Variants in PXDN observed in about 807,000 individuals in gnomAD.
PXDN encodes peroxidasin.
Under a neutral mutation model 140.3 loss-of-function variants are expected in PXDN, and 77 were observed. That is an observed-to-expected ratio of 0.55 (90% CI 0.46 to 0.66). PXDN has a LOEUF of 0.66. PXDN is among the 30% of genes least tolerant of loss of function. PXDN has a pLI of 0.00. For synonymous variants in PXDN, 911 were observed against 857.4 expected (o/e 1.06, Z -1.09); for missense variants, 1,838 against 2,039.5 (o/e 0.90, Z 1.90).
chr2:1,701,962 C>A (rs1017990288), intron 1 of PXDN, among the ~76,000 whole-genome samples: 1 of 152,176 alleles, frequency 6.6e-6, no homozygotes, highest in African/African-American at 2.4e-5. Context: ...GACTTCCAGC[C>A]TCCAGAGCTG....
intron 1 of PXDN, among the ~76,000 whole-genome samples, chr2:1,702,741 G>A (rs1684465399): frequency 6.6e-6 from 1 of 151,406 alleles, no homozygotes; most frequent in Admixed American, 6.6e-5. Flanking sequence ...CAATTCTCCT[G>A]CCTCAGCCTC....
At chr2:1,705,564 G>A (rs2125462375) in intron 1 of PXDN, among the ~76,000 whole-genome samples, 1 of 143,424 alleles carries the variant, frequency 7.0e-6, no homozygotes, top group East Asian at 2.1e-4. Context: ...CAGAGTGCAG[G>A]ATGCAGCTCC....
chr2:1,641,483 T>C (rs901030774), intron 19 of PXDN, among the ~76,000 whole-genome samples: 25 of 152,354 alleles, frequency 1.6e-4, no homozygotes, highest in African/African-American at 5.3e-4. Flanking sequence ...AATTGAAAAG[T>C]AAATAGCAAT....
intron 14 of PXDN, among the ~76,000 whole-genome samples, chr2:1,656,231 CTT>C (rs1244358989): frequency 6.6e-6 from 1 of 152,166 alleles, no homozygotes; most frequent in Non-Finnish European, 1.5e-5. Context: ...CTAGTTCCCT[CTT>C]GTCATTCTTT....
At position 1,685,461 on chromosome 2, in the gene PXDN, G is replaced by C. The variant is rs947723741; in HGVS notation, c.417-1310C>G. On this transcript the variant is annotated intron_variant, in intron 4 of 22. Transcript: ENST00000252804. The surrounding 1 kb of genome is among the most constrained non-coding windows in gnomAD (Gnocchi z 5.1). ...GCGCCTGTGGTTTTCTGGGGTCCTT[G>C]GCCTTTCACAGCCCATGGCAGCTGG... is the stretch of plus-strand genomic sequence containing the variant. Among the ~76,000 whole-genome samples, 7 of 152,224 alleles carry C rather than the reference G, an allele frequency of 4.6e-5. No individual in the cohort carries two copies. The highest frequency in any genetic ancestry group is 1.2e-4 in the African/African-American group (5 of 41,536).
chr2:1,705,236 G>C (rs1209220640), intron 1 of PXDN, among the ~76,000 whole-genome samples: 2 of 152,200 alleles, frequency 1.3e-5, no homozygotes, highest in East Asian at 3.9e-4. Flanking sequence ...AGGCAGACCG[G>C]CTCAGTTCAC....
rs73910829 is a variant in PXDN, at chr2:1,673,425, T to C, written c.1018+218A>G. On this transcript the variant is annotated intron_variant, in intron 9 of 22. Coordinates refer to ENST00000252804, the MANE Select transcript of PXDN (RefSeq NM_012293.3). ...CTGCCCCGGCTGTGTGGACTATGAGTGTGTCCCCAGATGAGGGGCTAACTG... is the reference window on the plus strand; with the variant it reads ...CTGCCCCGGCTGTGTGGACTATGAGCGTGTCCCCAGATGAGGGGCTAACTG... Among the ~76,000 whole-genome samples, 3,426 of 152,098 alleles carry C rather than the reference T, an allele frequency of 0.023. 131 individuals carry two copies. Among genetic ancestry groups the C allele is most frequent in the African/African-American group, 0.078 (3,247 of 41,476 alleles).
At chr2:1,662,456 C>T (rs1572138096) in intron 12 of PXDN, among the ~76,000 whole-genome samples, 1 of 152,218 alleles carries the variant, frequency 6.6e-6, no homozygotes, top group South Asian at 2.1e-4. Context: ...GACAGACAGC[C>T]GCAGGGTCCA....
At chr2:1,662,691 A>G (rs1290457524) in intron 12 of PXDN, among the ~76,000 whole-genome samples, 2 of 152,196 alleles carry the variant, frequency 1.3e-5, no homozygotes, top group African/African-American at 2.4e-5. Flanking sequence ...CGCATTCTCT[A>G]TACAGGCACC....
intron 1 of PXDN, among the ~76,000 whole-genome samples, chr2:1,743,345 C>G (rs563173226): frequency 6.6e-6 from 1 of 152,356 alleles, no homozygotes; most frequent in South Asian, 2.1e-4. Context: ...GAAACCCGCT[C>G]TGAGTCCCGG....
intron 9 of PXDN, among the ~76,000 whole-genome samples, chr2:1,667,196 C>T (rs1274713176): frequency 2.0e-5 from 3 of 152,054 alleles, no homozygotes; most frequent in South Asian, 2.1e-4. Context: ...ACACGAAAAA[C>T]CCTTCAAACA....
At chr2:1,722,823 C>T (rs985535360) in intron 1 of PXDN, among the ~76,000 whole-genome samples, 6 of 152,248 alleles carry the variant, frequency 3.9e-5, no homozygotes, top group Admixed American at 6.5e-5. Context: ...CACGGTGTGC[C>T]TCACAGCCTG....
At chr2:1,679,250 T>A (rs561031316) in intron 7 of PXDN, among the ~76,000 whole-genome samples, 34 of 150,016 alleles carry the variant, frequency 2.3e-4, no homozygotes, top group Non-Finnish European at 1.5e-5. Flanking sequence ...AGATGGCATG[T>A]GCGTGTGTGG....
At chr2:1,698,981 T>C (rs1413435803) in intron 1 of PXDN, among the ~76,000 whole-genome samples, 1 of 152,184 alleles carries the variant, frequency 6.6e-6, no homozygotes, top group Non-Finnish European at 1.5e-5. Flanking sequence ...TTTGCTGTAA[T>C]GTTTCCATTA....
At chr2:1,732,428 C>T (rs1234442975) in intron 1 of PXDN, among the ~76,000 whole-genome samples, 2 of 148,376 alleles carry the variant, frequency 1.3e-5, no homozygotes, top group African/African-American at 4.9e-5. Flanking sequence ...ACACACGGGG[C>T]CAGAAGGATC....
chr2:1,665,227 A>G (rs1683407949), intron 10 of PXDN, among the ~76,000 whole-genome samples, 153 bp from the exon 11 acceptor site: 1 of 152,192 alleles, frequency 6.6e-6, no homozygotes, highest in African/African-American at 2.4e-5. Context: ...GCACAGGAGA[A>G]GATGGGAGCA....
intron 1 of PXDN, among the ~76,000 whole-genome samples, chr2:1,728,055 C>T (rs141817224): frequency 1.1e-3 from 160 of 152,314 alleles, no homozygotes; most frequent in African/African-American, 3.8e-3. Context: ...CCTGCCTCAG[C>T]CTCCAAGTGA....
At chr2:1,671,034 A>G (rs919755373) in intron 9 of PXDN, among the ~76,000 whole-genome samples, 1 of 152,230 alleles carries the variant, frequency 6.6e-6, no homozygotes, top group African/African-American at 2.4e-5. Flanking sequence ...TGGGAACCAC[A>G]TGGATGCATC....
In PXDN at chr2:1,666,402, T is replaced by A; in HGVS notation, c.1103A>T (p.His368Leu). Reference protein sequence around the residue: ...SVTLECSATGHPPPRISWTRG... With the variant: ...SVTLECSATGLPPPRISWTRG... ...CGTCCAGGAGATCCGCGGCGGGGGG[T>A]GGCCTGTGGCGCTGCACTCCAGCGT... Residue 368 changes from histidine to leucine, a missense_variant, in exon 10 of 23, where the codon CAC (histidine) becomes CTC (leucine). Physicochemically the swap from His to Leu is moderately conservative, Grantham distance 99. Coordinates refer to ENST00000252804, the MANE Select transcript of PXDN (RefSeq NM_012293.3). The A allele has an allele frequency of 6.2e-7, 1 of 1,613,316 alleles. No individual in the cohort carries two copies.
Sources: gnomAD v4.1 joint callset for allele counts (sites outside exome capture counted in the v4.1 genomes callset) on GRCh38, gnomAD v4.1.1 for gene constraint, Gnocchi (gnomAD v3.1) non-coding constraint, MANE v1.5 for transcripts, NCBI Gene and HGNC (gene_info 2026-07-23, HGNC 2026-07-21) for gene names.